The following ZC3H12D variants were observed in gnomAD, a reference collection of about 807,000 sequenced individuals.
The protein encoded by ZC3H12D is zinc finger CCCH-type containing 12D.
A neutral mutation model predicts 24.2 loss-of-function variants in ZC3H12D; 11 were observed. That is an observed-to-expected ratio of 0.46 (90% CI 0.29 to 0.75). ZC3H12D has a LOEUF of 0.75. Among genes scored for constraint, ZC3H12D ranks in the 30% least tolerant of loss-of-function variants. ZC3H12D has a pLI of 0.11. For synonymous variants in ZC3H12D, 333 were observed against 341.8 expected (o/e 0.97, Z 0.28); for missense variants, 740 against 767.7 (o/e 0.96, Z 0.43).
At position 149,456,623 on chromosome 6, in the gene ZC3H12D, G is replaced by GCCCCCC; in HGVS notation, c.680+42_680+43insGGGGGG. The GCCCCCC allele has an allele frequency of 1.1e-5, 8 of 744,580 alleles. No individual in the cohort carries two copies. Among genetic ancestry groups the GCCCCCC allele is most frequent in the Non-Finnish European group, 1.8e-5 (8 of 456,098 alleles). The allele number at this position is 744,580 out of a possible 1,614,324, so 46.1% of individuals were successfully genotyped here. A position where few individuals can be genotyped will look rare whatever the true frequency, so the allele number is the denominator to read the frequency against. On this transcript the variant is annotated intron_variant, in intron 4 of 5. Transcript: ENST00000409806. The surrounding 1 kb of genome is among the most constrained non-coding windows in gnomAD (Gnocchi z 4.3). ...GCCACTGCCTCGACCCCGGCCCCCC[G>GCCCCCC]CCCCGCCGCCCCCCAGGGTGTCAGG...
chr6:149,453,128 C>CAAAAAAAAAA (rs59814309), intron 4 of ZC3H12D, among the ~76,000 whole-genome samples: 1 of 106,102 alleles, frequency 9.4e-6, no homozygotes, highest in Non-Finnish European at 2.0e-5. Flanking sequence ...CTACAGAAAG[C>CAAAAAAAAAA]AAAAAAAAAA....
At chr6:149,466,617 C>T (rs908324387) in intron 2 of ZC3H12D, among the ~76,000 whole-genome samples, 2 of 152,180 alleles carry the variant, frequency 1.3e-5, no homozygotes, top group African/African-American at 4.8e-5. Context: ...GTGGCTCACG[C>T]CTGTAATCCC....
At position 149,456,144 on chromosome 6, in the gene ZC3H12D, C is replaced by G. The variant is rs1464577031; in HGVS notation, c.680+522G>C. Among the ~76,000 whole-genome samples, 1 of 149,074 alleles carries G rather than the reference C, an allele frequency of 6.7e-6. No homozygotes were observed. The highest frequency in any genetic ancestry group is 2.0e-4 in the East Asian group (1 of 4,946). ...GTGCGTGCCTATAATCTCAGCTACT[C>G]GGGAGGCTGAGGCAGGAGAATTGCT... is the stretch of plus-strand genomic sequence containing the variant. On this transcript the variant is annotated intron_variant, in intron 4 of 5. Transcript: ENST00000409806. This position sits in a 1 kb window ranked among gnomAD's most constrained non-coding sequence, Gnocchi z 4.3.
At position 149,450,967 on chromosome 6, in the gene ZC3H12D, C is replaced by T. The variant is rs1316564739; in HGVS notation, c.1300G>A (p.Asp434Asn). Residue 434 changes from aspartate to asparagine, a missense_variant, in exon 6 of 6, where the codon GAC becomes AAC. Transcript: ENST00000409806. ...CGGGGTGGACGGGCCCACGGGTCGT[C>T]GGGTGGCCTGCGCGGGGAAAGCAAG... is the stretch of plus-strand genomic sequence containing the variant. ...GDLLSPRRPPDDPWARPPRSD... is the reference protein window; with the variant it reads ...GDLLSPRRPPNDPWARPPRSD... 6.6e-7 allele frequency: 1 copy of T among 1,523,674 alleles called. No homozygotes were observed. The highest frequency in any genetic ancestry group is 1.2e-5 in the South Asian group (1 of 82,198). The allele number at this position is 1,523,674 out of a possible 1,614,324, so 94.4% of individuals were successfully genotyped here.
At chr6:149,461,666 A>G (rs1776074412) in intron 3 of ZC3H12D, 165 bp downstream of exon 3, 4 of 664,660 alleles carry the variant, frequency 6.0e-6, no homozygotes, top group African/African-American at 3.7e-5. Context: ...TGCTAGGGCT[A>G]TGGCATTGAA....
chr6:149,456,623 G>GGGGGGACGACC lies in ZC3H12D; in HGVS notation c.680+42_680+43insGGTCGTCCCCC. The GGGGGGACGACC allele has an allele frequency of 1.3e-6, 1 of 744,590 alleles. No individual in the cohort carries two copies. The highest frequency in any genetic ancestry group is 2.2e-6 in the Non-Finnish European group (1 of 456,108). The allele number at this position is 744,590 out of a possible 1,614,324, so 46.1% of individuals were successfully genotyped here. A position where few individuals can be genotyped will look rare whatever the true frequency, so the allele number is the denominator to read the frequency against. On this transcript the variant is annotated intron_variant, in intron 4 of 5. Coordinates refer to ENST00000409806, the MANE Select transcript of ZC3H12D (RefSeq NM_207360.3). This position sits in a 1 kb window ranked among gnomAD's most constrained non-coding sequence, Gnocchi z 4.3. ...GCCACTGCCTCGACCCCGGCCCCCC[G>GGGGGGACGACC]CCCCGCCGCCCCCCAGGGTGTCAGG...
intron 1 of ZC3H12D, among the ~76,000 whole-genome samples, chr6:149,482,457 CTT>C (rs1214466220): frequency 1.3e-5 from 2 of 152,208 alleles, no homozygotes; most frequent in African/African-American, 2.4e-5. Context: ...AGCGACAACA[CTT>C]AGAAAATCCT....
intron 2 of ZC3H12D, among the ~76,000 whole-genome samples, chr6:149,473,144 A>AG (rs1776272256): frequency 6.6e-6 from 1 of 151,680 alleles, no homozygotes; most frequent in African/African-American, 2.4e-5. Flanking sequence ...GAAAAAAAAA[A>AG]AAAAACTCAA....
In ZC3H12D at chr6:149,448,056, C is replaced by T. The variant is rs12195922; in HGVS notation, c.*2627G>A. On this transcript the variant is annotated 3_prime_UTR_variant, in exon 6 of 6. Transcript: ENST00000409806. ...CCTATAATCCCAGCACTTTGGGAGGCTGAGGCGGGGATCACAAGGTCAGGA... is the reference window on the plus strand; with the variant it reads ...CCTATAATCCCAGCACTTTGGGAGGTTGAGGCGGGGATCACAAGGTCAGGA... 17,456 of 152,210 alleles carry T rather than the reference C, an allele frequency of 0.11. 1,225 individuals are homozygous for T. Among genetic ancestry groups the T allele is most frequent in the African/African-American group, 0.2 (8,115 of 41,508 alleles). The allele number at this position is 152,210 out of a possible 1,614,324, so 9.4% of individuals were successfully genotyped here. A position where few individuals can be genotyped will look rare whatever the true frequency, so the allele number is the denominator to read the frequency against.
At chr6:149,476,334 G>A (rs1159223841) in intron 1 of ZC3H12D, among the ~76,000 whole-genome samples, 1 of 152,098 alleles carries the variant, frequency 6.6e-6, no homozygotes, top group Non-Finnish European at 1.5e-5. Context: ...GCGAAATCCT[G>A]TCTCTACTAA....
chr6:149,459,404 G>T, intron 3 of ZC3H12D: 2 of 577,030 alleles, frequency 3.5e-6, no homozygotes, highest in Non-Finnish European at 6.2e-6. Context: ...GTAGGTTTGG[G>T]GACAGCAGCA....
At chr6:149,473,133 T>C (rs1221357292) in intron 2 of ZC3H12D, among the ~76,000 whole-genome samples, 1 of 97,854 alleles carries the variant, frequency 1.0e-5, no homozygotes. Flanking sequence ...TGGTTAAAAG[T>C]GAAAAAAAAA....
chr6:149,461,549 T>A, intron 3 of ZC3H12D: 1 of 225,656 alleles, frequency 4.4e-6, no homozygotes, highest in South Asian at 1.1e-4. Context: ...TTTGATAACT[T>A]AACACACCAA....
chr6:149,474,673 G>T, intron 1 of ZC3H12D, 60 bp from the exon 2 acceptor site: 1 of 862,322 alleles, frequency 1.2e-6, no homozygotes, highest in Non-Finnish European at 1.6e-6. Flanking sequence ...GCAAGGGCAA[G>T]GTGTGCCTGC....
chr6:149,466,381 C>T (rs1776162897), intron 2 of ZC3H12D, among the ~76,000 whole-genome samples: 1 of 151,500 alleles, frequency 6.6e-6, no homozygotes, highest in South Asian at 2.1e-4. Context: ...TAAGATGTAC[C>T]CTCCCCTACC....
In ZC3H12D at chr6:149,480,573, C is replaced by T. The variant is rs1206180779; in HGVS notation, c.-71+4240G>A. On this transcript the variant is annotated intron_variant, in intron 1 of 5. Coordinates refer to ENST00000409806, the MANE Select transcript of ZC3H12D (RefSeq NM_207360.3). The stretch of plus-strand genomic sequence containing the variant: ...CCAACGTGGAGAAACCCTGTCTCTA[C>T]TAAAAACATAGAATTAGCCGGGCGT... Among the ~76,000 whole-genome samples the T allele has an allele frequency of 4.6e-5, 7 of 152,120 alleles. No homozygotes were observed. In the East Asian group the frequency reaches 1.3e-3, roughly 29 times the overall value.
chr6:149,456,804 C>A lies in ZC3H12D; in HGVS notation c.542G>T (p.Arg181Leu). 1 of 1,613,288 alleles carries A rather than the reference C, an allele frequency of 6.2e-7. No individual in the cohort carries two copies. Among genetic ancestry groups the A allele is most frequent in the Non-Finnish European group, 8.5e-7 (1 of 1,179,784 alleles). Reference sequence around the variant, plus strand: ...CTCGTAGGCCACCTTCACGATGTAGCGGTCGTCGTAGCAGACCAGGCGCTT... The same window carrying A: ...CTCGTAGGCCACCTTCACGATGTAGAGGTCGTCGTAGCAGACCAGGCGCTT... ...HGKRLVCYDD[R>L]YIVKVAYEQD... Residue 181 changes from arginine to leucine, a missense_variant, in exon 4 of 6, where the codon CGC becomes CTC. Coordinates refer to ENST00000409806, the MANE Select transcript of ZC3H12D (RefSeq NM_207360.3). This position sits in a 1 kb window ranked among gnomAD's most constrained non-coding sequence, Gnocchi z 4.3.
intron 5 of ZC3H12D, among the ~76,000 whole-genome samples, chr6:149,451,884 CG>C (rs1775904264): frequency 6.6e-6 from 1 of 152,198 alleles, no homozygotes; most frequent in Non-Finnish European, 1.5e-5. Context: ...AGTGGGTGCT[CG>C]GGGCAGAGGA....
chr6:149,465,746 C>G (rs552420773), intron 2 of ZC3H12D, among the ~76,000 whole-genome samples: 1 of 133,008 alleles, frequency 7.5e-6, no homozygotes, highest in Non-Finnish European at 1.5e-5. Flanking sequence ...CAGAGCGAGA[C>G]GCCATCTCAA....
Sources: gnomAD v4.1 joint callset for allele counts (sites outside exome capture counted in the v4.1 genomes callset) on GRCh38, gnomAD v4.1.1 for gene constraint, Gnocchi (gnomAD v3.1) non-coding constraint, MANE v1.5 for transcripts, NCBI Gene and HGNC (gene_info 2026-07-23, HGNC 2026-07-21) for gene names.